The following LMTK2 variants were observed in gnomAD, a reference collection of about 807,000 sequenced individuals.
LMTK2 encodes serine/threonine-protein kinase LMTK2.
LMTK2 carries 37 observed loss-of-function variants against 127.5 expected under a neutral mutation model. The observed-to-expected ratio is 0.29, with a 90% CI of 0.22 to 0.38. LMTK2 has a LOEUF of 0.38. LMTK2 is among the 10% of genes least tolerant of loss of function. The probability of loss-of-function intolerance (pLI) is 1.00; values close to 1 mark genes in which losing one functional copy is unlikely to be tolerated. For synonymous variants in LMTK2, 819 were observed against 810.1 expected, an observed-to-expected ratio of 1.01 and a Z score of -0.19; for missense variants, 1,694 against 1,920.3, an observed-to-expected ratio of 0.88 and a Z score of 2.20.
Position 98,171,244 on chromosome 7 carries a change from G to A in LMTK2, c.658-297G>A, listed in dbSNP as rs1797186092. ...GTGTCATCTCCTAGGTAACCTGGGA[G>A]TTTCTCTAATTCTACACAGCATTTA... On this transcript the variant is annotated intron_variant, in intron 6 of 13. Coordinates refer to ENST00000297293, the MANE Select transcript of LMTK2 (RefSeq NM_014916.4). The surrounding 1 kb of genome is among the most constrained non-coding windows in gnomAD (Gnocchi z 5.1). 6.6e-6 allele frequency among the ~76,000 whole-genome samples: 1 copy of A among 152,168 alleles called. No individual in the cohort carries two copies. The highest frequency in any genetic ancestry group is 2.4e-5 in the African/African-American group (1 of 41,424).
At chr7:98,153,530 A>G (rs2116391143) in intron 4 of LMTK2, among the ~76,000 whole-genome samples, 1 of 152,298 alleles carries the variant, frequency 6.6e-6, no homozygotes, top group South Asian at 2.1e-4. Context: ...TCAAGAGAGA[A>G]AGAGGAGACG....
chr7:98,131,691 AT>A (rs1030089651), intron 1 of LMTK2, among the ~76,000 whole-genome samples: 11 of 152,208 alleles, frequency 7.2e-5, no homozygotes, highest in Non-Finnish European at 1.2e-4. Flanking sequence ...TAAAAATACG[AT>A]TTAAAAACGT....
intron 1 of LMTK2, among the ~76,000 whole-genome samples, chr7:98,109,743 C>CAA (rs1156337163): frequency 2.8e-3 from 150 of 53,172 alleles, no homozygotes; most frequent in African/African-American, 9.1e-3. Context: ...GACTCCGTCT[C>CAA]AAAAAAAAAA....
intron 6 of LMTK2, among the ~76,000 whole-genome samples, chr7:98,168,822 T>G (rs1310759063): frequency 6.6e-6 from 1 of 152,138 alleles, no homozygotes; most frequent in Admixed American, 6.5e-5. Context: ...AAGTTTTCCT[T>G]CGGGAGTTTT....
chr7:98,183,380 T>A (rs1797381966), intron 7 of LMTK2, among the ~76,000 whole-genome samples: 1 of 152,158 alleles, frequency 6.6e-6, no homozygotes, highest in Admixed American at 6.5e-5. Flanking sequence ...TTATATGGAA[T>A]TTCAGGTGTG....
At position 98,203,605 on chromosome 7, in the gene LMTK2, G is replaced by A. The variant is rs1444601494; in HGVS notation, c.4139G>A (p.Gly1380Glu). ...ETPTKELGPC[G>E]GEACGPDLSG... ...CCAACCAAAGAGCTGGGGCCCTGTG[G>A]AGGAGAGGCGTGCGGCCCGGACCTG... The change falls in exon 12 of 14, where the codon GGA becomes GAA. Residue 1380 changes from glycine (G) to glutamate (E), a missense_variant. Gly to Glu is a moderately conservative substitution (Grantham distance 98). Coordinates refer to ENST00000297293, the MANE Select transcript of LMTK2 (RefSeq NM_014916.4). 5.0e-6 allele frequency: 8 copies of A among 1,606,950 alleles called. No homozygotes were observed. The highest frequency in any genetic ancestry group is 6.8e-6 in the Non-Finnish European group (8 of 1,178,360).
intron 1 of LMTK2, among the ~76,000 whole-genome samples, chr7:98,131,670 T>A (rs1045839955): frequency 1.2e-4 from 18 of 152,228 alleles, no homozygotes; most frequent in African/African-American, 4.3e-4. Flanking sequence ...TCATAAAATG[T>A]TATTTTGGAT....
chr7:98,203,458 T>G, intron 11 of LMTK2, 116 bp from the exon 12 acceptor site: 118 of 1,359,512 alleles, frequency 8.7e-5, no homozygotes, highest in Non-Finnish European at 1.0e-4. Flanking sequence ...GCCCTTGTCT[T>G]GAGACGCTTA....
intron 6 of LMTK2, among the ~76,000 whole-genome samples, chr7:98,169,648 A>G (rs769337503): frequency 2.0e-5 from 3 of 152,100 alleles, no homozygotes; most frequent in Non-Finnish European, 2.9e-5. Context: ...TACTTTCTCT[A>G]TGGGCTACCT....
intron 5 of LMTK2, among the ~76,000 whole-genome samples, chr7:98,157,640 T>TA (rs34715220): frequency 3.4e-3 from 390 of 114,350 alleles, no homozygotes; most frequent in Middle Eastern, 0.014. Context: ...GCTCCCACAT[T>TA]AAAAAAAAAA....
intron 6 of LMTK2, among the ~76,000 whole-genome samples, chr7:98,170,963 C>G (rs1797181547): frequency 6.6e-6 from 1 of 152,130 alleles, no homozygotes; most frequent in African/African-American, 2.4e-5. Flanking sequence ...TCTGGAGTGG[C>G]TGAAATGTTC....
intron 2 of LMTK2, among the ~76,000 whole-genome samples, chr7:98,138,657 G>A (rs1053551943): frequency 1.3e-5 from 2 of 152,190 alleles, no homozygotes; most frequent in South Asian, 2.1e-4. Context: ...TCCCTTGCTT[G>A]TTAGTCTTGC....
At chr7:98,152,511 C>T (rs899056299) in intron 4 of LMTK2, among the ~76,000 whole-genome samples, 2 of 152,134 alleles carry the variant, frequency 1.3e-5, no homozygotes, top group Non-Finnish European at 2.9e-5. Context: ...GCTAGGGGCA[C>T]GATGTGGAGG....
At chr7:98,176,486 A>C (rs1797278615) in intron 7 of LMTK2, among the ~76,000 whole-genome samples, 1 of 150,750 alleles carries the variant, frequency 6.6e-6, no homozygotes. Context: ...AGCTAATACA[A>C]ACACAAACTA....
intron 7 of LMTK2, among the ~76,000 whole-genome samples, chr7:98,180,056 G>C (rs1797332506): frequency 1.3e-5 from 2 of 152,186 alleles, no homozygotes; most frequent in South Asian, 4.1e-4. Flanking sequence ...ACAGGTTTGT[G>C]GTGAAGATTA....
At chr7:98,129,305 G>A (rs1269925551) in intron 1 of LMTK2, among the ~76,000 whole-genome samples, 1 of 152,154 alleles carries the variant, frequency 6.6e-6, no homozygotes, top group Non-Finnish European at 1.5e-5. Context: ...CTGAGCTCAA[G>A]CACTGGGATT....
At chr7:98,185,356 T>C (rs544702345) in intron 8 of LMTK2, among the ~76,000 whole-genome samples, 120 of 152,306 alleles carry the variant, frequency 7.9e-4, no homozygotes, top group African/African-American at 2.6e-3. Flanking sequence ...AAAAGTTTCG[T>C]TTAAAAATAT....
At chr7:98,205,375 G>A (rs1472626733) in intron 13 of LMTK2, 89 bp from the exon 14 acceptor site, 3 of 1,495,662 alleles carry the variant, frequency 2.0e-6, no homozygotes, top group East Asian at 2.3e-5. Flanking sequence ...TTCCGTTCCT[G>A]TGGTGCAGCG....
At chr7:98,200,490 T>TA (rs1311299362) in intron 11 of LMTK2, among the ~76,000 whole-genome samples, 1 of 152,220 alleles carries the variant, frequency 6.6e-6, no homozygotes, top group Non-Finnish European at 1.5e-5. Flanking sequence ...TGTGTATAGA[T>TA]ACGGAGGGCT....
Sources: allele counts gnomAD v4.1 joint callset (sites outside exome capture counted in the v4.1 genomes callset), GRCh38; gene constraint gnomAD v4.1.1; non-coding constraint Gnocchi (gnomAD v3.1); transcripts MANE v1.5; gene names NCBI Gene and HGNC (gene_info 2026-07-23, HGNC 2026-07-21).